TUSC3: variants seen among roughly 807,000 people sequenced by gnomAD.
TUSC3 encodes tumor suppressor candidate 3.
A neutral mutation model predicts 44.8 loss-of-function variants in TUSC3; 45 were observed. That is an observed-to-expected ratio of 1.00 (90% CI 0.79 to 1.29). The LOEUF (loss-of-function observed/expected upper bound fraction) is 1.29. Among genes scored for constraint, TUSC3 ranks in the 50% most tolerant of loss-of-function variants. The probability of loss-of-function intolerance (pLI) is 0.00; values close to 1 mark genes in which losing one functional copy is unlikely to be tolerated. For missense variants in TUSC3, 519 were observed against 437.9 expected (o/e 1.19, Z -1.65); for synonymous variants, 212 against 152.9 (o/e 1.39, Z -2.85).
rs960402776 is a variant in TUSC3 at position 15,554,799 on chromosome 8, G to C, written c.138+14231G>C. Among the ~76,000 whole-genome samples the C allele has an allele frequency of 2.0e-5, 3 of 150,512 alleles. No individual in the cohort carries two copies. In the Admixed American group the frequency reaches 2.0e-4, roughly 10 times the overall value. On this transcript the variant is annotated intron_variant, in intron 1 of 10. Transcript: ENST00000503731. ...TTTTTGTATTTTTAGTAGAGACGGGGTTTCACCGTGTTAGCCAGGATGGTG... is the reference window on the plus strand; with the variant it reads ...TTTTTGTATTTTTAGTAGAGACGGGCTTTCACCGTGTTAGCCAGGATGGTG...
intron 1 of TUSC3, among the ~76,000 whole-genome samples, chr8:15,461,611 C>T (rs900954374): frequency 2.6e-5 from 4 of 151,872 alleles, no homozygotes; most frequent in Non-Finnish European, 4.4e-5. Flanking sequence ...TGTCTTTTTC[C>T]AGTCCTCAGA....
Position 15,709,898 on chromosome 8 carries a change from C to G in TUSC3, c.799-20768C>G, listed in dbSNP as rs75490068. ...TGTTGCAGTCCATTACATTATGGCA[C>G]TCAAATTCAGCTTCCTAAATTGACC... On this transcript the variant is annotated intron_variant, in intron 6 of 10. Coordinates refer to ENST00000503731, the MANE Select transcript of TUSC3 (RefSeq NM_006765.4). Among the ~76,000 whole-genome samples, 514 of 151,932 alleles carry G rather than the reference C, an allele frequency of 3.4e-3. 6 individuals carry two copies. In the East Asian group the frequency reaches 0.036, roughly 11 times the overall value.
chr8:15,559,371 T>A (rs1460311293), intron 1 of TUSC3, among the ~76,000 whole-genome samples: 2 of 148,904 alleles, frequency 1.3e-5, no homozygotes, highest in East Asian at 2.0e-4. Context: ...TGACAGACAG[T>A]TTGTTATAAT....
At chr8:15,790,617 C>A in the TUSC3 span, among the ~76,000 whole-genome samples, 1 of 152,038 alleles carries the variant, frequency 6.6e-6, no homozygotes, top group East Asian at 1.9e-4. Context: ...CTGTTTGACC[C>A]AGGAAGTAAG....
intron 2 of TUSC3, among the ~76,000 whole-genome samples, chr8:15,492,609 A>G (rs942095525): frequency 3.3e-5 from 5 of 151,422 alleles, no homozygotes; most frequent in Non-Finnish European, 7.4e-5. Flanking sequence ...GACCACTCAG[A>G]TAACTTCAGA....
intron 1 of TUSC3, among the ~76,000 whole-genome samples, chr8:15,575,985 A>C (rs549328626): frequency 6.6e-6 from 1 of 152,196 alleles, no homozygotes; most frequent in Admixed American, 6.5e-5. Context: ...ATAACTGAGT[A>C]ATATAACTGT....
At chr8:15,728,923 G>A (rs184711201) in intron 6 of TUSC3, among the ~76,000 whole-genome samples, 8 of 152,222 alleles carry the variant, frequency 5.3e-5, no homozygotes, top group Admixed American at 4.6e-4. Flanking sequence ...TAAAGAGAAT[G>A]AGTGGTCAGA....
chr8:15,688,188 A>G (rs1450230450), intron 6 of TUSC3, among the ~76,000 whole-genome samples: 1 of 150,732 alleles, frequency 6.6e-6, no homozygotes, highest in Non-Finnish European at 1.5e-5. Context: ...AATAAAGTTG[A>G]GTACAATTAT....
chr8:15,651,451 C>T (rs1806900860), intron 3 of TUSC3, among the ~76,000 whole-genome samples: 1 of 152,082 alleles, frequency 6.6e-6, no homozygotes, highest in Non-Finnish European at 1.5e-5. Flanking sequence ...TAGCTTCTGG[C>T]GTGACTGTAT....
At chr8:15,597,814 C>G (rs999328122) in intron 1 of TUSC3, among the ~76,000 whole-genome samples, 1 of 151,914 alleles carries the variant, frequency 6.6e-6, no homozygotes, top group African/African-American at 2.4e-5. Context: ...TATCATTGGT[C>G]AGAAATGAGT....
At position 15,445,749 on chromosome 8, in the gene TUSC3, G is replaced by C. The variant is rs143325863; in HGVS notation, n.91+28444G>C. Among the ~76,000 whole-genome samples the C allele has an allele frequency of 2.7e-3, 416 of 152,326 alleles. 3 individuals are homozygous for C. The East Asian group carries it at 0.042, about 16-fold the overall frequency. On this transcript the variant is annotated intron_variant and non_coding_transcript_variant, in intron 1 of 5. Coordinates refer to the TUSC3 transcript ENST00000503191. ...CAGACACAGTAACAATCTGATCTCT[G>C]TTTCTTTTTACCACATTTCCCCCTT...
chr8:15,656,435 G>T lies in TUSC3; in HGVS notation c.427-3072G>T, dbSNP rs555819681. On this transcript the variant is annotated intron_variant, in intron 3 of 10. Transcript: ENST00000503731. ...CCTTCCAAAAGGGAGAAATAGGCAA[G>T]AAAAGAAAAAGGGGTAACTGGCTCC... Among the ~76,000 whole-genome samples, 7 of 152,206 alleles carry T rather than the reference G, an allele frequency of 4.6e-5. No individual in the cohort carries two copies. In the South Asian group the frequency reaches 1.2e-3, roughly 27 times the overall value.
At position 15,514,398 on chromosome 8, in the gene TUSC3, T is replaced by G. The variant is rs111885906; in HGVS notation, n.189+30915T>G. Among the ~76,000 whole-genome samples, 29 of 152,348 alleles carry G rather than the reference T, an allele frequency of 1.9e-4. No individual in the cohort carries two copies. In the South Asian group the frequency reaches 5.8e-3, roughly 30 times the overall value. ...AGAAAATTAATAGGGATACAGAAAC[T>G]TGCTCATGATTACAAAGCATATAAA... is the stretch of plus-strand genomic sequence containing the variant. On this transcript the variant is annotated intron_variant and non_coding_transcript_variant, in intron 2 of 5. Transcript: ENST00000503191.
At chr8:15,543,022 T>C (rs1415839084) in intron 1 of TUSC3, among the ~76,000 whole-genome samples, 1 of 152,212 alleles carries the variant, frequency 6.6e-6, no homozygotes, top group African/African-American at 2.4e-5. Context: ...CTCACTAAGT[T>C]CACAAACTGT....
At chr8:15,567,071 C>T (rs551725062) in intron 1 of TUSC3, among the ~76,000 whole-genome samples, 1 of 152,260 alleles carries the variant, frequency 6.6e-6, no homozygotes, top group African/African-American at 2.4e-5. Flanking sequence ...GCTCTTTTAA[C>T]TTAGTGATCT....
intron 1 of TUSC3, among the ~76,000 whole-genome samples, chr8:15,594,656 T>C (rs763830750): frequency 3.9e-5 from 6 of 152,150 alleles, no homozygotes; most frequent in East Asian, 1.9e-4. Context: ...CTCTACATAA[T>C]GTCTTATGAG....
intron 1 of TUSC3, among the ~76,000 whole-genome samples, chr8:15,622,237 T>C (rs111435084): frequency 6.6e-6 from 1 of 152,176 alleles, no homozygotes; most frequent in Non-Finnish European, 1.5e-5. Context: ...AGTTGTTAAC[T>C]TCTCAGGCTT....
intron 1 of TUSC3, among the ~76,000 whole-genome samples, chr8:15,615,338 TA>T (rs1355697925): frequency 4.6e-5 from 7 of 152,198 alleles, no homozygotes; most frequent in Non-Finnish European, 8.8e-5. Flanking sequence ...GACATTGTGT[TA>T]AATGAAGTAA....
chr8:15,430,135 G>T (rs1437419863), intron 1 of TUSC3, among the ~76,000 whole-genome samples: 1 of 149,610 alleles, frequency 6.7e-6, no homozygotes, highest in Non-Finnish European at 1.5e-5. Flanking sequence ...TATGAGGCCA[G>T]CATCATCCTG....
Sources: allele counts gnomAD v4.1 joint callset (sites outside exome capture counted in the v4.1 genomes callset), GRCh38; gene constraint gnomAD v4.1.1; transcripts MANE v1.5; gene names NCBI Gene and HGNC (gene_info 2026-07-23, HGNC 2026-07-21).